CRYBB3: variants seen among roughly 807,000 people sequenced by gnomAD.
CRYBB3 encodes crystallin beta B3.
CRYBB3 carries 35 observed loss-of-function variants against 28.3 expected under a neutral mutation model. The ratio of observed to expected loss-of-function variants is 1.24; its 90% CI spans 0.95 to 1.64. CRYBB3 has a LOEUF of 1.64. CRYBB3 is among the 40% of genes most tolerant of loss of function. The probability of loss-of-function intolerance (pLI) is 0.00; values close to 1 mark genes in which losing one functional copy is unlikely to be tolerated. For missense variants in CRYBB3, 296 were observed against 297.4 expected (o/e 1.00, Z 0.04); for synonymous variants, 106 against 110.4 (o/e 0.96, Z 0.25).
intron 2 of CRYBB3, 149 bp downstream of exon 2, chr22:25,201,620 G>A (rs1934950358): frequency 1.4e-6 from 2 of 1,394,552 alleles, no homozygotes; most frequent in Non-Finnish European, 9.4e-7. Context: ...TCCTCTCACT[G>A]CCACCCTCCC....
chr22:25,203,678 C>A, intron 3 of CRYBB3, 85 bp from the exon 4 acceptor site: 1 of 1,500,694 alleles, frequency 6.7e-7, no homozygotes, highest in Non-Finnish European at 9.3e-7. Flanking sequence ...TCAAGGTCAG[C>A]AGCTCTTGGA....
At chr22:25,206,066 G>A (rs1238846813) in intron 5 of CRYBB3, among the ~76,000 whole-genome samples, 2 of 152,208 alleles carry the variant, frequency 1.3e-5, no homozygotes. Flanking sequence ...CACCGTTGAT[G>A]CAGTCTTAGG....
intron 3 of CRYBB3, 147 bp downstream of exon 3, chr22:25,202,939 G>A: frequency 6.7e-7 from 1 of 1,486,658 alleles, no homozygotes; most frequent in East Asian, 2.5e-5. Context: ...TAAAATGAGA[G>A]TTGAAGAATT....
chr22:25,206,278 T>C (rs1193583537), intron 5 of CRYBB3, among the ~76,000 whole-genome samples: 1 of 152,182 alleles, frequency 6.6e-6, no homozygotes, highest in Admixed American at 6.5e-5. Context: ...AGTCTGGGGC[T>C]CACGCCTGTA....
At chr22:25,200,994 G>T (rs1934936992) in intron 1 of CRYBB3, among the ~76,000 whole-genome samples, 1 of 152,216 alleles carries the variant, frequency 6.6e-6, no homozygotes, top group African/African-American at 2.4e-5. Flanking sequence ...CCACCCTTTA[G>T]CCAGGTTCTG....
intron 3 of CRYBB3, 114 bp from the exon 4 acceptor site, chr22:25,203,649 T>G: frequency 8.5e-7 from 1 of 1,174,750 alleles, no homozygotes; most frequent in East Asian, 2.4e-5. Flanking sequence ...GCAGTAGGGT[T>G]GGAGGGAGGG....
Position 25,205,289 on chromosome 22 carries a change from G to A in CRYBB3, c.397G>A (p.Asp133Asn), listed in dbSNP as rs1044692706. ...AFSGRKMEIVDDDVPSLWAHG... is the reference protein window; with the variant it reads ...AFSGRKMEIVNDDVPSLWAHG... The stretch of plus-strand genomic sequence containing the variant: ...CAGTGGCCGCAAGATGGAGATAGTG[G>A]ATGATGACGTGCCCAGCCTGTGGGC... The change falls in exon 5 of 6, where the codon GAT becomes AAT. Residue 133 changes from aspartate to asparagine, a missense_variant. Asp to Asn is a conservative substitution (Grantham distance 23, BLOSUM62 1). Coordinates refer to ENST00000215855, the MANE Select transcript of CRYBB3 (RefSeq NM_004076.5). The A allele has an allele frequency of 5.0e-6, 8 of 1,614,102 alleles. No homozygotes were observed. Among genetic ancestry groups the A allele is most frequent in the Non-Finnish European group, 6.8e-6 (8 of 1,180,024 alleles).
chr22:25,201,303 T>C, intron 1 of CRYBB3, 74 bp from the exon 2 acceptor site: 1 of 1,594,846 alleles, frequency 6.3e-7, no homozygotes, highest in Non-Finnish European at 8.6e-7. Flanking sequence ...CTGTAGCTCA[T>C]CCTGGACTCC....
chr22:25,201,114 C>T (rs1176300893), intron 1 of CRYBB3, among the ~76,000 whole-genome samples: 1 of 152,052 alleles, frequency 6.6e-6, no homozygotes, highest in East Asian at 1.9e-4. Context: ...GCCACTTCCT[C>T]ACTGTGTGCT....
In CRYBB3 at chr22:25,202,763, G is replaced by C. The variant is rs774602056; in HGVS notation, c.165G>C (p.Lys55Asn). 3.7e-6 allele frequency: 6 copies of C among 1,614,112 alleles called. No individual in the cohort carries two copies. The highest frequency in any genetic ancestry group is 1.1e-5 in the South Asian group (1 of 91,064). The change falls in exon 3 of 6, where the codon AAG (lysine) becomes AAC (asparagine). Residue 55 changes from lysine (K) to asparagine (N), a missense_variant. Physicochemically the swap from Lys to Asn is moderately conservative, Grantham distance 94. Transcript: ENST00000215855. ...CPSLTDSLLE[K>N]VGSIQVESGP... ...GCCTGACCGACAGCCTGCTGGAGAA[G>C]GTGGGCTCCATCCAAGTGGAGTCCG...
At chr22:25,202,170 A>G (rs1481673378) in intron 2 of CRYBB3, among the ~76,000 whole-genome samples, 2 of 152,200 alleles carry the variant, frequency 1.3e-5, no homozygotes, top group African/African-American at 4.8e-5. Context: ...CTACAAAGTC[A>G]GTTTGTGTTT....
At chr22:25,206,765 C>T (rs887264442) in intron 5 of CRYBB3, among the ~76,000 whole-genome samples, 3 of 152,002 alleles carry the variant, frequency 2.0e-5, no homozygotes, top group Non-Finnish European at 2.9e-5. Flanking sequence ...AAGAGTGTTC[C>T]AGGCAGAAGG....
chr22:25,201,732 G>C (rs989555298), intron 2 of CRYBB3, among the ~76,000 whole-genome samples: 1 of 117,208 alleles, frequency 8.5e-6, no homozygotes, highest in African/African-American at 4.0e-5. Context: ...GAGGCCCGGG[G>C]GTTTCTGGAA....
rs1935051972 is a variant in CRYBB3, at chr22:25,207,229, A to T, written c.*17A>T. 6.2e-7 allele frequency: 1 copy of T among 1,609,742 alleles called. No individual in the cohort carries two copies. Among genetic ancestry groups the T allele is most frequent in the African/African-American group, 1.3e-5 (1 of 74,994 alleles). ...AGCAGCTGAAAGGCACCCAGACTTCAAGGACCCAGACCCACCCTGGGGGGC... is the reference window on the plus strand; with the variant it reads ...AGCAGCTGAAAGGCACCCAGACTTCTAGGACCCAGACCCACCCTGGGGGGC... On this transcript the variant is annotated 3_prime_UTR_variant, in exon 6 of 6. Coordinates refer to ENST00000215855, the MANE Select transcript of CRYBB3 (RefSeq NM_004076.5).
At chr22:25,201,304 C>T in intron 1 of CRYBB3, 73 bp from the exon 2 acceptor site, 3 of 1,595,624 alleles carry the variant, frequency 1.9e-6, no homozygotes, top group Middle Eastern at 1.7e-4. Flanking sequence ...TGTAGCTCAT[C>T]CTGGACTCCA....
At chr22:25,200,003 G>C (rs925701645) in intron 1 of CRYBB3, 94 bp downstream of exon 1, 1 of 152,108 alleles carries the variant, frequency 6.6e-6, no homozygotes, top group African/African-American at 2.4e-5. Flanking sequence ...ATGGCTGACC[G>C]CCTGCAAAGA....
Position 25,201,382 on chromosome 22 carries a change from G to A in CRYBB3, c.-15G>A, listed in dbSNP as rs760815425. ...CATTTTCTTTTGGTTTGAAGCCAGA[G>A]GTGTTCCTGGGGAGATGGCGGAACA... On this transcript the variant is annotated 5_prime_UTR_variant, in exon 2 of 6. Transcript: ENST00000215855. 1.1e-5 allele frequency: 18 copies of A among 1,613,062 alleles called. No homozygotes were observed. The highest frequency in any genetic ancestry group is 1.2e-5 in the Non-Finnish European group (14 of 1,179,348).
rs1423544492 is a variant in CRYBB3 at position 25,201,551 on chromosome 22, G to A, written c.75+80G>A. 1.9e-6 allele frequency: 3 copies of A among 1,575,534 alleles called. No homozygotes were observed. In the East Asian group the frequency reaches 6.8e-5, roughly 36 times the overall value. ...ATCTTCCCAGCCAAGCAGCACCTCT[G>A]CAGGAAGGAAGAGCCATCCTTCCAA... On this transcript the variant is annotated intron_variant, in intron 2 of 5. Transcript: ENST00000215855.
At chr22:25,200,791 A>C (rs1422305683) in intron 1 of CRYBB3, among the ~76,000 whole-genome samples, 1 of 152,160 alleles carries the variant, frequency 6.6e-6, no homozygotes, top group Non-Finnish European at 1.5e-5. Flanking sequence ...CTGGTCTTAC[A>C]AGCCTTTTCT....
Sources: allele counts gnomAD v4.1 joint callset (sites outside exome capture counted in the v4.1 genomes callset), GRCh38; gene constraint gnomAD v4.1.1; transcripts MANE v1.5; gene names NCBI Gene and HGNC (gene_info 2026-07-23, HGNC 2026-07-21).